CDH18: variants seen among roughly 807,000 people sequenced by gnomAD.
CDH18 encodes cadherin-18.
Under a neutral mutation model 67.9 loss-of-function variants are expected in CDH18, and 31 were observed. The observed-to-expected ratio is 0.46, with a 90% CI of 0.34 to 0.62. The LOEUF (loss-of-function observed/expected upper bound fraction) is 0.62, where lower values mean the gene tolerates loss of function less well. Ranked by LOEUF, CDH18 falls within the 20% of genes least tolerant of loss-of-function variation. The pLI, the probability that CDH18 is intolerant of heterozygous loss-of-function variation, is 0.01. For synonymous variants in CDH18, 362 were observed against 347.2 expected, an observed-to-expected ratio of 1.04 and a Z score of -0.48; for missense variants, 890 against 975.5, an observed-to-expected ratio of 0.91 and a Z score of 1.17.
intron 2 of CDH18, among the ~76,000 whole-genome samples, chr5:20,021,119 A>C (rs1482409396): frequency 6.6e-6 from 1 of 151,974 alleles, no homozygotes; most frequent in Non-Finnish European, 1.5e-5. Flanking sequence ...TGGGAATTGC[A>C]TGGGGGCTTG....
chr5:19,984,094 C>T (rs897103949), intron 1 of CDH18, among the ~76,000 whole-genome samples: 1 of 152,042 alleles, frequency 6.6e-6, no homozygotes, highest in Non-Finnish European at 1.5e-5. Flanking sequence ...GGAAGACAAA[C>T]ATCCTACAAA....
intron 2 of CDH18, among the ~76,000 whole-genome samples, chr5:19,958,379 C>CAAAAAAA (rs57913629): frequency 0.029 from 1,926 of 66,124 alleles, 77 homozygotes; most frequent in Non-Finnish European, 0.042. Flanking sequence ...TTTCCTTCAC[C>CAAAAAAA]AAAAAAAAAA....
At chr5:19,944,234 A>G (rs1011665533) in intron 2 of CDH18, among the ~76,000 whole-genome samples, 1 of 152,088 alleles carries the variant, frequency 6.6e-6, no homozygotes, top group Non-Finnish European at 1.5e-5. Flanking sequence ...TTTTACCTGA[A>G]GTTTTAACTG....
At chr5:19,489,337 T>G (rs1449656494) in intron 11 of CDH18, among the ~76,000 whole-genome samples, 1 of 146,892 alleles carries the variant, frequency 6.8e-6, no homozygotes, top group East Asian at 2.1e-4. Context: ...AACCTCCACC[T>G]CCCGGGTTCA....
chr5:19,561,131 C>G (rs142238755), intron 8 of CDH18, among the ~76,000 whole-genome samples: 142 of 152,206 alleles, frequency 9.3e-4, no homozygotes, highest in East Asian at 2.3e-3. Flanking sequence ...GTACATCTAT[C>G]ATTTGAAACA....
intron 2 of CDH18, among the ~76,000 whole-genome samples, chr5:19,912,162 T>A (rs7705561): frequency 0.019 from 2,868 of 149,962 alleles, 88 homozygotes; most frequent in African/African-American, 0.067. Flanking sequence ...ACATGAATTG[T>A]TTAGCTATTA....
intron 5 of CDH18, among the ~76,000 whole-genome samples, chr5:19,670,348 G>A (rs891700170): frequency 1.3e-4 from 19 of 151,960 alleles, no homozygotes; most frequent in Non-Finnish European, 2.8e-4. Flanking sequence ...AAAGAGAAAA[G>A]TACATTCAAA....
intron 3 of CDH18, among the ~76,000 whole-genome samples, chr5:19,831,781 C>T (rs1173080173): frequency 2.6e-5 from 4 of 151,980 alleles, no homozygotes; most frequent in African/African-American, 9.7e-5. Flanking sequence ...ATAAATTGTT[C>T]TAACAAAAAG....
intron 3 of CDH18, among the ~76,000 whole-genome samples, chr5:19,811,637 T>A (rs914615438): frequency 2.6e-4 from 39 of 152,194 alleles, no homozygotes; most frequent in African/African-American, 8.9e-4. Context: ...AAAAAAATTA[T>A]CTGAGCCAAG....
At chr5:19,900,808 T>C (rs1026391696) in intron 2 of CDH18, among the ~76,000 whole-genome samples, 6 of 152,194 alleles carry the variant, frequency 3.9e-5, no homozygotes, top group African/African-American at 1.2e-4. Context: ...ACTTTAGCAC[T>C]AAGATTTTAT....
intron 6 of CDH18, among the ~76,000 whole-genome samples, chr5:19,592,528 A>G (rs967384187): frequency 6.6e-6 from 1 of 152,150 alleles, no homozygotes. Flanking sequence ...TCAATGCTAT[A>G]CAAGGACATA....
intron 2 of CDH18, among the ~76,000 whole-genome samples, chr5:19,946,455 C>G: frequency 6.6e-6 from 1 of 152,092 alleles, no homozygotes. Context: ...TGTGTTACTC[C>G]TTATGAGTTT....
At position 20,552,780 on chromosome 5, in the gene CDH18, G is replaced by T. The variant is rs1367348609; in HGVS notation, c.-580+22682C>A. Among the ~76,000 whole-genome samples the T allele has an allele frequency of 4.0e-5, 6 of 151,362 alleles. No homozygotes were observed. In the East Asian group the frequency reaches 1.2e-3, roughly 29 times the overall value. On this transcript the variant is annotated intron_variant, in intron 1 of 14. Coordinates refer to the CDH18 transcript ENST00000507958. ...TAAGATTTTTTTTTTTTCAAACAGA[G>T]TCTTGCTCTGTTGCCCAGGCTGGAG...
chr5:20,347,657 T>C (rs1740812737), intron 1 of CDH18, among the ~76,000 whole-genome samples: 1 of 152,220 alleles, frequency 6.6e-6, no homozygotes, highest in Admixed American at 6.5e-5. Flanking sequence ...AATATCTTTG[T>C]CTTAACCTTG....
chr5:20,108,479 C>T (rs748808842), intron 2 of CDH18, among the ~76,000 whole-genome samples: 7 of 152,056 alleles, frequency 4.6e-5, no homozygotes, highest in Non-Finnish European at 1.0e-4. Context: ...TTCAGGTAGA[C>T]GCAATTTAGC....
chr5:19,919,354 G>A (rs1579592790), intron 2 of CDH18, among the ~76,000 whole-genome samples: 2 of 152,240 alleles, frequency 1.3e-5, no homozygotes, highest in East Asian at 3.9e-4. Context: ...AAATTATTGA[G>A]CTTGAGGAAT....
At chr5:20,378,470 G>A (rs1476144306) in intron 1 of CDH18, among the ~76,000 whole-genome samples, 1 of 152,108 alleles carries the variant, frequency 6.6e-6, no homozygotes, top group Non-Finnish European at 1.5e-5. Flanking sequence ...TGGTCTAGGT[G>A]GACATCGTGC....
At chr5:20,223,002 G>C (rs116361940) in intron 2 of CDH18, among the ~76,000 whole-genome samples, 3,576 of 151,836 alleles carry the variant, frequency 0.024, 145 homozygotes, top group African/African-American at 0.08. Context: ...ATAATTATTT[G>C]ATAAAATTAA....
chr5:20,473,138 CAT>C (rs143038999), intron 1 of CDH18, among the ~76,000 whole-genome samples: 1,629 of 152,120 alleles, frequency 0.011, 30 homozygotes, highest in African/African-American at 0.037. Context: ...GAGATTCAAA[CAT>C]AGCACTATCT....
Sources: gnomAD v4.1 joint callset for allele counts (sites outside exome capture counted in the v4.1 genomes callset) on GRCh38, gnomAD v4.1.1 for gene constraint, MANE v1.5 for transcripts, NCBI Gene and HGNC (gene_info 2026-07-23, HGNC 2026-07-21) for gene names.